The following GSE1 variants were observed in gnomAD, a reference collection of about 807,000 sequenced individuals.
GSE1 encodes Gse1 coiled-coil protein, also known as genetic suppressor element 1.
A neutral mutation model predicts 112.6 loss-of-function variants in GSE1; 32 were observed. That is an observed-to-expected ratio of 0.28 (90% confidence interval 0.21 to 0.38). The LOEUF is 0.38. GSE1 is among the 10% of genes least tolerant of loss of function. GSE1 has a pLI of 1.00. For missense variants in GSE1, 2,348 were observed against 1,699.2 expected, an observed-to-expected ratio of 1.38 and a Z score of -6.71; for synonymous variants, 1,115 against 735.6, an observed-to-expected ratio of 1.52 and a Z score of -8.35.
intron 2 of GSE1, chr16:85,489,768 T>C (rs11646018): frequency 0.33 from 49,645 of 152,144 alleles, 9,280 homozygotes; most frequent in Non-Finnish European, 0.41. Context: ...TATTTGGAAA[T>C]TGGGTTTTTG....
upstream of GSE1, among the ~76,000 whole-genome samples, chr16:85,554,040 C>T (rs1413452524): frequency 6.6e-6 from 1 of 152,112 alleles, no homozygotes; most frequent in Non-Finnish European, 1.5e-5. Context: ...AAAGGTGACC[C>T]CTTAGTGTCA....
At chr16:85,468,812 C>T (rs540885416) in intron 2 of GSE1, among the ~76,000 whole-genome samples, 47 of 151,934 alleles carry the variant, frequency 3.1e-4, no homozygotes, top group Non-Finnish European at 2.8e-4. Flanking sequence ...TCTTAGTGTG[C>T]TGATGGCATT....
At chr16:85,414,797 A>G (rs979414086) in intron 2 of GSE1, among the ~76,000 whole-genome samples, 3 of 151,562 alleles carry the variant, frequency 2.0e-5, no homozygotes, top group Admixed American at 6.6e-5. Flanking sequence ...ACCATGCCTG[A>G]CTAATTTTTT....
intron 1 of GSE1, among the ~76,000 whole-genome samples, chr16:85,614,616 G>A (rs1013507084): frequency 2.6e-5 from 4 of 152,224 alleles, no homozygotes; most frequent in African/African-American, 9.6e-5. Context: ...GTGCCCGTCT[G>A]AGTTCCGAGG....
chr16:85,179,967 T>G (rs1006970641), intron 1 of GSE1, among the ~76,000 whole-genome samples: 32 of 152,286 alleles, frequency 2.1e-4, no homozygotes, highest in African/African-American at 7.5e-4. Context: ...AGCCCTCAGC[T>G]CCTGCACAGC....
At chr16:85,238,505 C>T (rs1311934965) in intron 1 of GSE1, among the ~76,000 whole-genome samples, 2 of 152,096 alleles carry the variant, frequency 1.3e-5, no homozygotes, top group Non-Finnish European at 2.9e-5. Context: ...GCCCTGGCCT[C>T]GGCGTGTGTC....
chr16:85,235,986 G>C (rs944968545), intron 1 of GSE1, among the ~76,000 whole-genome samples: 2 of 151,960 alleles, frequency 1.3e-5, no homozygotes, highest in Non-Finnish European at 2.9e-5. Flanking sequence ...GCCTGGGCCT[G>C]GGCCTGGGCC....
chr16:85,330,010 GCCC>G (rs1225333192), intron 1 of GSE1, among the ~76,000 whole-genome samples: 1 of 152,160 alleles, frequency 6.6e-6, no homozygotes, highest in East Asian at 1.9e-4. Flanking sequence ...CCTGGCAGAT[GCCC>G]CTGCCAGGTG....
intron 1 of GSE1, among the ~76,000 whole-genome samples, chr16:85,256,993 G>A (rs1286445756): frequency 6.6e-6 from 1 of 151,712 alleles, no homozygotes; most frequent in African/African-American, 2.4e-5. Flanking sequence ...GGATGGTGCT[G>A]CTCTTGTTAT....
chr16:85,594,236 G>T (rs868198078), intron 1 of GSE1: 3 of 132,182 alleles, frequency 2.3e-5, no homozygotes, highest in Non-Finnish European at 3.3e-5. Context: ...GGGGGGTTGG[G>T]GGGGGGGGGC....
At chr16:85,383,775 C>T (rs1440019040) in intron 2 of GSE1, among the ~76,000 whole-genome samples, 4 of 152,136 alleles carry the variant, frequency 2.6e-5, no homozygotes, top group Admixed American at 6.5e-5. Flanking sequence ...AGGGGTCTAC[C>T]GTTAAAGGGT....
chr16:85,410,153 T>C (rs541866968), intron 2 of GSE1, among the ~76,000 whole-genome samples: 1 of 61,958 alleles, frequency 1.6e-5, no homozygotes, highest in African/African-American at 1.2e-4. Flanking sequence ...TAATCCTCGC[T>C]GTTACACTCA....
chr16:85,207,244 G>A (rs1417462457), intron 1 of GSE1, among the ~76,000 whole-genome samples: 2 of 152,158 alleles, frequency 1.3e-5, no homozygotes, highest in African/African-American at 2.4e-5. Flanking sequence ...TGCTCCTCTC[G>A]GCCAGAAGCC....
At chr16:85,287,817 T>C (rs1348123160) in intron 1 of GSE1, among the ~76,000 whole-genome samples, 1 of 152,158 alleles carries the variant, frequency 6.6e-6, no homozygotes, top group African/African-American at 2.4e-5. Context: ...TGCTGAAGCC[T>C]AAAGGAGCCG....
Position 85,634,109 on chromosome 16 carries a change from C to A in GSE1, c.203C>A (p.Ala68Asp). ...TTTGCCGCCGCGCTGCGCAAGCTCG[C>A]CAAACAGGCGGAGGAGCCCAGAGGT... Reference protein sequence around the residue: ...SSFAAALRKLAKQAEEPRGSS... With the variant: ...SSFAAALRKLDKQAEEPRGSS... Residue 68 changes from alanine (A) to aspartate (D), a missense_variant, in exon 2 of 16, where the codon GCC becomes GAC. Transcript: ENST00000253458. 6.4e-7 allele frequency: 1 copy of A among 1,560,788 alleles called. No homozygotes were observed. The highest frequency in any genetic ancestry group is 8.6e-7 in the Non-Finnish European group (1 of 1,158,270).
intron 1 of GSE1, among the ~76,000 whole-genome samples, chr16:85,278,433 CTG>C (rs1289934132): frequency 1.3e-5 from 2 of 152,202 alleles, no homozygotes; most frequent in Admixed American, 1.3e-4. Context: ...AAAGAAGACA[CTG>C]TATTTAATAA....
intron 1 of GSE1, among the ~76,000 whole-genome samples, chr16:85,314,059 G>C (rs1426407389): frequency 6.6e-6 from 1 of 151,830 alleles, no homozygotes. Flanking sequence ...ACAGCTGTTT[G>C]TGTGTATAAG....
At chr16:85,556,013 C>T in exon 1 of GSE1, 1 of 985,058 alleles carries the variant, frequency 1.0e-6, no homozygotes. Context: ...GGCGAAGACA[C>T]CCGGGCAGCC....
At chr16:85,264,946 C>T (rs1908084431) in intron 1 of GSE1, among the ~76,000 whole-genome samples, 2 of 152,208 alleles carry the variant, frequency 1.3e-5, no homozygotes, top group African/African-American at 4.8e-5. Context: ...CTCCGTGCCT[C>T]AGTTTTCTCC....
Sources: gnomAD v4.1 joint callset for allele counts (sites outside exome capture counted in the v4.1 genomes callset) on GRCh38, gnomAD v4.1.1 for gene constraint, MANE v1.5 for transcripts, NCBI Gene and HGNC (gene_info 2026-07-23, HGNC 2026-07-21) for gene names.